Variants in CCDC85C observed in about 807,000 individuals in gnomAD.
The protein encoded by CCDC85C is coiled-coil domain-containing protein 85C.
CCDC85C carries 18 observed loss-of-function variants against 38.3 expected under a neutral mutation model. The ratio of observed to expected loss-of-function variants is 0.47; its 90% confidence interval spans 0.33 to 0.70. The LOEUF is 0.70. Among genes scored for constraint, CCDC85C ranks in the 30% least tolerant of loss-of-function variants. The pLI, the probability that CCDC85C is intolerant of heterozygous loss-of-function variation, is 0.03. For synonymous variants in CCDC85C, 264 were observed against 293.8 expected, an observed-to-expected ratio of 0.90 and a Z score of 1.04; for missense variants, 566 against 621.2, an observed-to-expected ratio of 0.91 and a Z score of 0.94.
intron 1 of CCDC85C, among the ~76,000 whole-genome samples, chr14:99,599,687 C>T (rs1033511734): frequency 3.3e-5 from 5 of 152,120 alleles, no homozygotes; most frequent in African/African-American, 9.6e-5. Context: ...CCCAGGTGTT[C>T]GAGACCAGCC....
chr14:99,581,186 T>A (rs2054964706), intron 1 of CCDC85C, among the ~76,000 whole-genome samples: 1 of 152,122 alleles, frequency 6.6e-6, no homozygotes, highest in South Asian at 2.1e-4. Flanking sequence ...GTGTGCCCAG[T>A]GCCACCCTAC....
At chr14:99,531,774 G>A (rs1897499065) in intron 2 of CCDC85C, among the ~76,000 whole-genome samples, 3 of 152,152 alleles carry the variant, frequency 2.0e-5, no homozygotes. Flanking sequence ...TCCCTGACAA[G>A]ATTTAAATGC....
intron 1 of CCDC85C, among the ~76,000 whole-genome samples, chr14:99,575,376 C>T (rs1898452338): frequency 6.6e-6 from 1 of 152,218 alleles, no homozygotes; most frequent in Non-Finnish European, 1.5e-5. Flanking sequence ...CCATCCAGAG[C>T]TCAGCTGGCA....
chr14:99,509,971 T>C lies in CCDC85C; in HGVS notation c.*5275A>G. The C allele has an allele frequency of 1.6e-6, 1 of 634,432 alleles. No homozygotes were observed. 39.3% of individuals were successfully genotyped at this position (634,432 alleles called of 1,614,324 possible). A position where few individuals can be genotyped will look rare whatever the true frequency, so the allele number is the denominator to read the frequency against. ...GTCGCAGACAGGGTGGAGGGCCTTCTTGACAGATGGTGGGGAGACATCTGG... is the reference window on the plus strand; with the variant it reads ...GTCGCAGACAGGGTGGAGGGCCTTCCTGACAGATGGTGGGGAGACATCTGG... On this transcript the variant is annotated 3_prime_UTR_variant, in exon 6 of 6. Transcript: ENST00000380243.
chr14:99,501,646 G>T lies in CCDC85C; in HGVS notation c.*13600C>A. On this transcript the variant is annotated 3_prime_UTR_variant, in exon 6 of 6. Transcript: ENST00000380243. The stretch of plus-strand genomic sequence containing the variant: ...GTGAGGTGCTGAAATTTTATCACCA[G>T]TCTGAAACATAAGTCCAAAACAATA... 1.9e-6 allele frequency: 1 copy of T among 517,824 alleles called. No individual in the cohort carries two copies. Among genetic ancestry groups the T allele is most frequent in the South Asian group, 2.9e-5 (1 of 34,708 alleles). 32.1% of individuals were successfully genotyped at this position (517,824 alleles called of 1,614,324 possible). A position where few individuals can be genotyped will look rare whatever the true frequency, so the allele number is the denominator to read the frequency against.
intron 1 of CCDC85C, among the ~76,000 whole-genome samples, chr14:99,555,830 G>C (rs1381654388): frequency 6.6e-6 from 1 of 152,192 alleles, no homozygotes; most frequent in Non-Finnish European, 1.5e-5. Context: ...TGTATGCTCA[G>C]CTTACAATGG....
chr14:99,510,222 G>A lies in CCDC85C; in HGVS notation c.*5024C>T, dbSNP rs993472154. 3 of 1,596,758 alleles carry A rather than the reference G, an allele frequency of 1.9e-6. No homozygotes were observed. The highest frequency in any genetic ancestry group is 2.6e-6 in the Non-Finnish European group (3 of 1,174,946). On this transcript the variant is annotated 3_prime_UTR_variant, in exon 6 of 6. Transcript: ENST00000380243. ...GCCGCCGGGCCCTGTGGATGCCACT[G>A]ACCTCCCCAAAGTCCAGATTCCCCC... is the stretch of plus-strand genomic sequence containing the variant.
At chr14:99,582,466 C>T (rs17098860) in intron 1 of CCDC85C, among the ~76,000 whole-genome samples, 10,355 of 152,054 alleles carry the variant, frequency 0.068, 533 homozygotes, top group South Asian at 0.15. Flanking sequence ...CCACCGTGAA[C>T]GCACCTGATC....
intron 2 of CCDC85C, among the ~76,000 whole-genome samples, chr14:99,524,715 T>C (rs961511691): frequency 6.6e-6 from 1 of 152,186 alleles, no homozygotes; most frequent in Non-Finnish European, 1.5e-5. Flanking sequence ...CAGAATGAGA[T>C]TCCCTAGGAT....
intron 1 of CCDC85C, among the ~76,000 whole-genome samples, chr14:99,542,856 G>A (rs982608052): frequency 1.3e-5 from 2 of 152,188 alleles, no homozygotes; most frequent in African/African-American, 2.4e-5. Flanking sequence ...TTCCCCCAGC[G>A]AGGCCTGGGG....
In CCDC85C at chr14:99,516,296, A is replaced by T; in HGVS notation, c.1072-10T>A. On this transcript the variant is annotated splice_polypyrimidine_tract_variant and intron_variant, in intron 4 of 5. Coordinates refer to ENST00000380243, the MANE Select transcript of CCDC85C (RefSeq NM_001144995.2). This position sits in a 1 kb window ranked among gnomAD's most constrained non-coding sequence, Gnocchi z 5.5. The stretch of plus-strand genomic sequence containing the variant: ...CGTGTACCTCCAGGACCTGAAGGGA[A>T]CGGGTCTCGGGGTCAGGGGCAGAGG... 1 of 1,546,798 alleles carries T rather than the reference A, an allele frequency of 6.5e-7. No homozygotes were observed. Among genetic ancestry groups the T allele is most frequent in the African/African-American group, 1.4e-5 (1 of 73,042 alleles).
intron 2 of CCDC85C, among the ~76,000 whole-genome samples, chr14:99,526,218 T>C (rs1210015651): frequency 6.6e-6 from 1 of 152,164 alleles, no homozygotes; most frequent in Non-Finnish European, 1.5e-5. Context: ...TCACCGCAGC[T>C]GAAGAGCTTG....
At position 99,568,957 on chromosome 14, in the gene CCDC85C, G is replaced by A. The variant is rs534103824; in HGVS notation, c.794-32869C>T. ...CCTTGAACATGGGTTCTGGAGGCAG[G>A]AGGAACTTCTCTCTCCTGGGAGGGC... On this transcript the variant is annotated intron_variant, in intron 1 of 5. Coordinates refer to ENST00000380243, the MANE Select transcript of CCDC85C (RefSeq NM_001144995.2). 1.2e-4 allele frequency among the ~76,000 whole-genome samples: 18 copies of A among 152,276 alleles called. No individual in the cohort carries two copies. In the South Asian group the frequency reaches 2.5e-3, roughly 21 times the overall value.
chr14:99,533,761 A>T lies in CCDC85C; in HGVS notation c.867+2254T>A, dbSNP rs1162070575. Reference sequence around the variant, plus strand: ...GTCCATCCTTGAGGCTCAAGGCTGAAGCTCCCATCTACCTCCACCTGTGCA... The same window carrying T: ...GTCCATCCTTGAGGCTCAAGGCTGATGCTCCCATCTACCTCCACCTGTGCA... On this transcript the variant is annotated intron_variant, in intron 2 of 5. Coordinates refer to ENST00000380243, the MANE Select transcript of CCDC85C (RefSeq NM_001144995.2). The surrounding 1 kb of genome is among the most constrained non-coding windows in gnomAD (Gnocchi z 4.2). Among the ~76,000 whole-genome samples the T allele has an allele frequency of 1.3e-5, 2 of 152,192 alleles. No homozygotes were observed. The highest frequency in any genetic ancestry group is 2.9e-5 in the Non-Finnish European group (2 of 68,008).
At chr14:99,570,034 C>T (rs1898303783) in intron 1 of CCDC85C, among the ~76,000 whole-genome samples, 1 of 152,044 alleles carries the variant, frequency 6.6e-6, no homozygotes, top group South Asian at 2.1e-4. Context: ...AGGACACGGA[C>T]CTGTGGGGAC....
At position 99,501,297 on chromosome 14, in the gene CCDC85C, T is replaced by G; in HGVS notation, c.*13949A>C. The G allele has an allele frequency of 2.7e-6, 3 of 1,095,522 alleles. No homozygotes were observed. Among genetic ancestry groups the G allele is most frequent in the Non-Finnish European group, 4.2e-6 (3 of 709,980 alleles). 67.9% of individuals were successfully genotyped at this position (1,095,522 alleles called of 1,614,324 possible). A position where few individuals can be genotyped will look rare whatever the true frequency, so the allele number is the denominator to read the frequency against. On this transcript the variant is annotated 3_prime_UTR_variant, in exon 6 of 6. Transcript: ENST00000380243. ...ACGTGGTAGGTTTTTAATAAATACT[T>G]GATGCTGCCTGTGAATTTTTCTATT...
Position 99,563,622 on chromosome 14 carries a change from G to A in CCDC85C, c.794-27534C>T, listed in dbSNP as rs79043339. Reference sequence around the variant, plus strand: ...GAGGAAATGGGAGGGTGAGAGAGCAGGCAGGGAGATGTCAGGCACCATGCT... The same window carrying A: ...GAGGAAATGGGAGGGTGAGAGAGCAAGCAGGGAGATGTCAGGCACCATGCT... On this transcript the variant is annotated intron_variant, in intron 1 of 5. Transcript: ENST00000380243. Among the ~76,000 whole-genome samples, 567 of 152,374 alleles carry A rather than the reference G, an allele frequency of 3.7e-3. 6 individuals are homozygous for A. Among genetic ancestry groups the A allele is most frequent in the Non-Finnish European group, 4.9e-3 (330 of 68,040 alleles).
chr14:99,572,914 G>A lies in CCDC85C; in HGVS notation c.793+30253C>T. The A allele has an allele frequency of 2.3e-6, 1 of 435,786 alleles. No individual in the cohort carries two copies. Among genetic ancestry groups the A allele is most frequent in the Middle Eastern group, 4.7e-4 (1 of 2,128 alleles). The allele number at this position is 435,786 out of a possible 1,614,324, so 27.0% of individuals were successfully genotyped here. ...CAGGCAGGGTGGGAGGCACGGACCT[G>A]AGGCAGCGCCTTCTCTTAGCTCTGA... On this transcript the variant is annotated intron_variant, in intron 1 of 5. Coordinates refer to ENST00000380243, the MANE Select transcript of CCDC85C (RefSeq NM_001144995.2). The surrounding 1 kb of genome is among the most constrained non-coding windows in gnomAD (Gnocchi z 4.4).
chr14:99,557,015 T>C (rs1898024399), intron 1 of CCDC85C, among the ~76,000 whole-genome samples: 1 of 152,240 alleles, frequency 6.6e-6, no homozygotes, highest in Non-Finnish European at 1.5e-5. Flanking sequence ...CTTGCCACTT[T>C]TCTGTAAGTT....
Sources: allele counts gnomAD v4.1 joint callset (sites outside exome capture counted in the v4.1 genomes callset), GRCh38; gene constraint gnomAD v4.1.1; non-coding constraint Gnocchi (gnomAD v3.1); transcripts MANE v1.5; gene names NCBI Gene and HGNC (gene_info 2026-07-23, HGNC 2026-07-21).